MLIP: variants seen among roughly 807,000 people sequenced by gnomAD.
MLIP encodes muscular LMNA-interacting protein.
Under a neutral mutation model 84.8 loss-of-function variants are expected in MLIP, and 79 were observed. That is an observed-to-expected ratio of 0.93 (90% CI 0.78 to 1.12). MLIP has a LOEUF of 1.12. Ranked by LOEUF, MLIP falls within the 50% of genes most tolerant of loss-of-function variation. MLIP has a pLI of 0.00. For synonymous variants in MLIP, 504 were observed against 463.0 expected, an observed-to-expected ratio of 1.09 and a Z score of -1.14; for missense variants, 1,257 against 1,160.6, an observed-to-expected ratio of 1.08 and a Z score of -1.21.
At chr6:54,062,001 C>A (rs372018081) in intron 1 of MLIP, among the ~76,000 whole-genome samples, 2 of 152,128 alleles carry the variant, frequency 1.3e-5, no homozygotes, top group African/African-American at 4.8e-5. Context: ...TCCCTCTACA[C>A]GTTTTAAAAA....
intron 13 of MLIP, among the ~76,000 whole-genome samples, chr6:54,262,845 C>A (rs779252482): frequency 1.3e-5 from 2 of 151,986 alleles, no homozygotes; most frequent in Non-Finnish European, 2.9e-5. Flanking sequence ...AAGAATTAAG[C>A]CTTTCTTTTT....
At chr6:54,211,926 C>A (rs1479364006) in intron 11 of MLIP, among the ~76,000 whole-genome samples, 2 of 152,084 alleles carry the variant, frequency 1.3e-5, no homozygotes, top group African/African-American at 4.8e-5. Context: ...TGATTAGGTG[C>A]CTTCTTTTTG....
chr6:54,243,136 C>A (rs935919036), intron 12 of MLIP, among the ~76,000 whole-genome samples: 1 of 152,058 alleles, frequency 6.6e-6, no homozygotes, highest in African/African-American at 2.4e-5. Context: ...AACTGCCATG[C>A]AAAAGACATT....
At chr6:54,120,643 CT>C (rs1190726263) in intron 1 of MLIP, among the ~76,000 whole-genome samples, 4 of 152,206 alleles carry the variant, frequency 2.6e-5, no homozygotes, top group Non-Finnish European at 5.9e-5. Context: ...GCTTGATACA[CT>C]CTCCACTGCT....
At position 54,137,098 on chromosome 6, in the gene MLIP, G is replaced by A. The variant is rs1406083367; in HGVS notation, c.1029G>A (p.Pro343=). ...ATGTCCTTAGTCACGGAGAAAGTCC[G>A]AGAACCTCTTCTTCTCCACCGTCCT... ...TSHVLSHGES[P]RTSSSPPSSS... The change falls in exon 4 of 14, where the codon CCG becomes CCA. Residue 343 remains proline, a synonymous_variant. Coordinates refer to ENST00000502396, the MANE Select transcript of MLIP (RefSeq NM_001281747.2). 36 of 1,535,900 alleles carry A rather than the reference G, an allele frequency of 2.3e-5. No homozygotes were observed. The highest frequency in any genetic ancestry group is 1.7e-4 in the East Asian group (7 of 40,924).
chr6:54,184,998 C>G (rs1777251526), intron 9 of MLIP, among the ~76,000 whole-genome samples: 1 of 152,160 alleles, frequency 6.6e-6, no homozygotes, highest in Non-Finnish European at 1.5e-5. Flanking sequence ...TTTTTAGGTA[C>G]TTCAAGTTTC....
chr6:54,260,542 A>G (rs1471030116), intron 13 of MLIP, among the ~76,000 whole-genome samples: 1 of 151,994 alleles, frequency 6.6e-6, no homozygotes, highest in Non-Finnish European at 1.5e-5. Context: ...TTGGCAGTCT[A>G]GGAAGGCCAA....
At chr6:54,198,826 T>C (rs1778471756) in intron 10 of MLIP, among the ~76,000 whole-genome samples, 1 of 152,026 alleles carries the variant, frequency 6.6e-6, no homozygotes, top group Non-Finnish European at 1.5e-5. Context: ...TTTGATGTCT[T>C]GGCCATGCAA....
In MLIP at chr6:54,147,604, G is replaced by A. The variant is rs534151243; in HGVS notation, c.2218-1452G>A. On this transcript the variant is annotated intron_variant, in intron 4 of 13. Transcript: ENST00000502396. ...AAGAGCTATATGGAGGAGAGAAAGT[G>A]GAAGATAAGTAAACATTCAGAGTAC... is the stretch of plus-strand genomic sequence containing the variant. 2.1e-4 allele frequency among the ~76,000 whole-genome samples: 32 copies of A among 152,236 alleles called. No individual in the cohort carries two copies. The South Asian group carries it at 5.8e-3, about 28-fold the overall frequency.
At chr6:54,143,501 G>T (rs1415293302) in intron 4 of MLIP, among the ~76,000 whole-genome samples, 1 of 152,092 alleles carries the variant, frequency 6.6e-6, no homozygotes, top group African/African-American at 2.4e-5. Context: ...CCACCACACT[G>T]GCCAGGATTT....
chr6:54,265,897 T>C (rs1000726052), intron 13 of MLIP, 53 bp from the exon 14 acceptor site: 2 of 1,536,724 alleles, frequency 1.3e-6, no homozygotes, highest in East Asian at 2.3e-5. Context: ...TTCAGGTGTA[T>C]ATTTTTAAAT....
At chr6:54,204,645 C>T (rs1375846433) in intron 11 of MLIP, among the ~76,000 whole-genome samples, 1 of 152,172 alleles carries the variant, frequency 6.6e-6, no homozygotes, top group Non-Finnish European at 1.5e-5. Flanking sequence ...ACGACATGTA[C>T]TGTCTACTGA....
upstream of MLIP, among the ~76,000 whole-genome samples, chr6:54,109,842 C>G (rs1769288464): frequency 6.6e-6 from 1 of 151,916 alleles, no homozygotes; most frequent in South Asian, 2.1e-4. Context: ...AACAAGCTCC[C>G]CAGGGGATTT....
intron 12 of MLIP, among the ~76,000 whole-genome samples, chr6:54,232,126 T>A (rs1036410276): frequency 6.6e-6 from 1 of 151,956 alleles, no homozygotes; most frequent in Non-Finnish European, 1.5e-5. Flanking sequence ...ATTTTAAAAA[T>A]TATTTTATAT....
chr6:54,198,393 G>A (rs1323002674), intron 10 of MLIP, among the ~76,000 whole-genome samples: 2 of 152,280 alleles, frequency 1.3e-5, no homozygotes, highest in Non-Finnish European at 2.9e-5. Context: ...GTATGAGGAA[G>A]AATTGAGGGG....
At chr6:54,095,000 A>G (rs1768113004) in intron 1 of MLIP, among the ~76,000 whole-genome samples, 2 of 152,194 alleles carry the variant, frequency 1.3e-5, no homozygotes, top group South Asian at 4.1e-4. Flanking sequence ...TTACAAATGA[A>G]TTACATTTGG....
chr6:54,245,509 C>T (rs576820801), intron 12 of MLIP, among the ~76,000 whole-genome samples: 36 of 152,068 alleles, frequency 2.4e-4, no homozygotes, highest in Non-Finnish European at 4.4e-4. Context: ...TGAGTGAATG[C>T]GCAGTAGAAG....
intron 1 of MLIP, chr6:54,032,271 T>A (rs1479900926): frequency 6.6e-6 from 1 of 152,230 alleles, no homozygotes; most frequent in Non-Finnish European, 1.5e-5. Context: ...TGAAATTCTT[T>A]ACCACTGGCA....
At chr6:54,154,510 A>G (rs1385100252) in intron 5 of MLIP, among the ~76,000 whole-genome samples, 1 of 152,170 alleles carries the variant, frequency 6.6e-6, no homozygotes, top group Admixed American at 6.5e-5. Context: ...CTCTGTGAAG[A>G]ATTTGATGCT....
Sources: gnomAD v4.1 joint callset for allele counts (sites outside exome capture counted in the v4.1 genomes callset) on GRCh38, gnomAD v4.1.1 for gene constraint, MANE v1.5 for transcripts, NCBI Gene and HGNC (gene_info 2026-07-23, HGNC 2026-07-21) for gene names.